Variants in PRRC1 observed in about 807,000 individuals in gnomAD.
PRRC1 encodes proline rich coiled-coil 1.
PRRC1 carries 39 observed loss-of-function variants against 40.7 expected under a neutral mutation model. The observed-to-expected ratio is 0.96, with a 90% CI of 0.74 to 1.25. The LOEUF is 1.25. Ranked by LOEUF, PRRC1 falls within the 50% of genes most tolerant of loss-of-function variation. PRRC1 has a pLI of 0.00. For synonymous variants in PRRC1, 175 were observed against 193.3 expected, an observed-to-expected ratio of 0.91 and a Z score of 0.79; for missense variants, 573 against 548.3, an observed-to-expected ratio of 1.05 and a Z score of -0.45.
At position 127,552,252 on chromosome 5, in the gene PRRC1, G is replaced by C; in HGVS notation, c.*336G>C. On this transcript the variant is annotated 3_prime_UTR_variant, in exon 9 of 9. Transcript: ENST00000296666. ...TTAATGCCATGTACTTGATTATTTTGTTCTTTAAAGAAGACATTATTAAAG... is the reference window on the plus strand; with the variant it reads ...TTAATGCCATGTACTTGATTATTTTCTTCTTTAAAGAAGACATTATTAAAG... 9.5e-7 allele frequency: 1 copy of C among 1,057,720 alleles called. No homozygotes were observed. The highest frequency in any genetic ancestry group is 1.1e-6 in the Non-Finnish European group (1 of 873,584). The allele number at this position is 1,057,720 out of a possible 1,614,324, so 65.5% of individuals were successfully genotyped here. A position where few individuals can be genotyped will look rare whatever the true frequency, so the allele number is the denominator to read the frequency against.
At chr5:127,517,853 A>G (rs1396089167) in intron 1 of PRRC1, 77 bp downstream of exon 1, 1 of 152,334 alleles carries the variant, frequency 6.6e-6, no homozygotes, top group Non-Finnish European at 1.5e-5. Context: ...CGCCAGAGCC[A>G]GACCCCGAGG....
chr5:127,529,227 TTTA>T (rs1767701848), intron 4 of PRRC1, among the ~76,000 whole-genome samples: 1 of 151,536 alleles, frequency 6.6e-6, no homozygotes, highest in Admixed American at 6.6e-5. Context: ...ATAATTATAA[TTTA>T]TTATTATATT....
At position 127,551,929 on chromosome 5, in the gene PRRC1, C is replaced by CT; in HGVS notation, c.*14dup. On this transcript the variant is annotated 3_prime_UTR_variant, in exon 9 of 9. Coordinates refer to ENST00000296666, the MANE Select transcript of PRRC1 (RefSeq NM_130809.5). ...CAGGACAGTGTGAGAGGAGACCTAC[C>CT]TGGGAGACTGAGACTTTCCCCCACT... is the stretch of plus-strand genomic sequence containing the variant. The CT allele has an allele frequency of 6.2e-7, 1 of 1,613,548 alleles. No homozygotes were observed. The highest frequency in any genetic ancestry group is 8.5e-7 in the Non-Finnish European group (1 of 1,179,650).
intron 8 of PRRC1, chr5:127,548,180 T>C (rs995921373): frequency 3.7e-6 from 2 of 539,074 alleles, no homozygotes; most frequent in African/African-American, 1.9e-5. Flanking sequence ...TTTTTTTCTT[T>C]GTTTTTACTC....
At chr5:127,546,757 T>C (rs1768234937) in intron 7 of PRRC1, among the ~76,000 whole-genome samples, 1 of 152,170 alleles carries the variant, frequency 6.6e-6, no homozygotes, top group Admixed American at 6.5e-5. Context: ...CTGCAAATTA[T>C]GCAAAATAAG....
rs753196389 is a variant in PRRC1, at chr5:127,526,757, T to C, written c.633T>C (p.Gly211=). The C allele has an allele frequency of 4.4e-6, 7 of 1,607,320 alleles. No homozygotes were observed. The African/African-American group carries it at 8.0e-5, about 18-fold the overall frequency. ...GAGGTCAGGATGAAGCATCTGCTGG[T>C]GGAATCTGGGGTTTTATTAAGGTAA... is the stretch of plus-strand genomic sequence containing the variant. The part of the protein sequence containing the change: ...ITRGQDEASA[G]GIWGFIKGVA... The change falls in exon 4 of 9, where the codon GGT becomes GGC. Residue 211 remains glycine (G), a synonymous_variant. Coordinates refer to ENST00000296666, the MANE Select transcript of PRRC1 (RefSeq NM_130809.5).
chr5:127,551,670 A>ATG, intron 8 of PRRC1, 37 bp from the exon 9 acceptor site: 1 of 1,581,692 alleles, frequency 6.3e-7, no homozygotes, highest in Non-Finnish European at 8.7e-7. Context: ...ATATTTTTAA[A>ATG]TGTATTATAA....
At chr5:127,528,950 T>C (rs1767695782) in intron 4 of PRRC1, among the ~76,000 whole-genome samples, 1 of 152,220 alleles carries the variant, frequency 6.6e-6, no homozygotes. Flanking sequence ...TAGAGCACAC[T>C]GTTTTAATTA....
chr5:127,542,108 T>G (rs1287224979), intron 7 of PRRC1, among the ~76,000 whole-genome samples: 1 of 152,222 alleles, frequency 6.6e-6, no homozygotes, highest in Non-Finnish European at 1.5e-5. Flanking sequence ...AACATCTTTA[T>G]TTCTGCCTTC....
intron 7 of PRRC1, among the ~76,000 whole-genome samples, chr5:127,547,001 T>C (rs1001140621): frequency 9.9e-5 from 15 of 152,274 alleles, no homozygotes; most frequent in Admixed American, 1.3e-4. Context: ...ACTTTGTTGT[T>C]TTTTTGAATG....
At chr5:127,532,102 GTT>G (rs1253417486) in intron 5 of PRRC1, among the ~76,000 whole-genome samples, 1 of 143,894 alleles carries the variant, frequency 6.9e-6, no homozygotes, top group Admixed American at 6.9e-5. Flanking sequence ...AAATCTTAAG[GTT>G]TTTTTTTTTG....
At chr5:127,533,925 C>T (rs1222022655) in intron 6 of PRRC1, 139 bp downstream of exon 6, 1 of 845,952 alleles carries the variant, frequency 1.2e-6, no homozygotes, top group Non-Finnish European at 2.0e-6. Flanking sequence ...AGTAGACAGC[C>T]CTATCGTATT....
chr5:127,547,833 GTTGT>G lies in PRRC1; in HGVS notation c.1044_1047del (p.Cys348TrpfsTer12), dbSNP rs1406712333. Reference sequence around the variant, plus strand: ...TTCTGTTGCAGATGGTTTGACATTGGTTGTTTGGTGGTTGAAGATCCTGTCCATG... The same window carrying G: ...TTCTGTTGCAGATGGTTTGACATTGGTTGGTGGTTGAAGATCCTGTCCATG... On this transcript the variant is annotated frameshift_variant, in exon 8 of 9. Transcript: ENST00000296666. LOFTEE classifies it high-confidence loss of function. 6.2e-7 allele frequency: 1 copy of G among 1,612,550 alleles called. No homozygotes were observed. The highest frequency in any genetic ancestry group is 8.5e-7 in the Non-Finnish European group (1 of 1,179,124).
At chr5:127,520,919 T>C (rs1488422324) in intron 1 of PRRC1, among the ~76,000 whole-genome samples, 1 of 152,246 alleles carries the variant, frequency 6.6e-6, no homozygotes, top group Non-Finnish European at 1.5e-5. Flanking sequence ...GAAGCTGGGT[T>C]TGGGGTACTC....
At chr5:127,518,081 C>T (rs1002555190) in intron 1 of PRRC1, 3 of 152,444 alleles carry the variant, frequency 2.0e-5, no homozygotes, top group Non-Finnish European at 4.4e-5. Flanking sequence ...GTCCAAGGAC[C>T]AAGGCAGGAG....
Position 127,538,509 on chromosome 5 carries a change from G to A in PRRC1, c.922-531G>A, listed in dbSNP as rs149991630. 6.6e-3 allele frequency among the ~76,000 whole-genome samples: 1,001 copies of A among 152,164 alleles called. 13 individuals are homozygous for A. Among genetic ancestry groups the A allele is most frequent in the African/African-American group, 0.023 (947 of 41,544 alleles). ...CAATGGTAATTATTTTGTTGAATAA[G>A]CTGTGGTGTAATGTATACATTTGCA... On this transcript the variant is annotated intron_variant, in intron 6 of 8. Transcript: ENST00000296666.
intron 4 of PRRC1, among the ~76,000 whole-genome samples, chr5:127,528,914 C>T (rs1448454641): frequency 2.6e-5 from 4 of 152,140 alleles, no homozygotes; most frequent in East Asian, 3.9e-4. Flanking sequence ...GTATTCTAGT[C>T]CACTGCTGTT....
Position 127,547,906 on chromosome 5 carries a change from G to A in PRRC1, c.1113G>A (p.Leu371=). The A allele has an allele frequency of 6.2e-7, 1 of 1,612,858 alleles. No homozygotes were observed. Among genetic ancestry groups the A allele is most frequent in the Non-Finnish European group, 8.5e-7 (1 of 1,178,964 alleles). ...ETFTQATPVP[L]EFVQQAQSLT... is the part of the protein sequence containing the mutation. ...TTACACAAGCCACACCAGTGCCTTT[G>A]GAATTTGTACAGCAGGTTGGTTTTC... The change falls in exon 8 of 9, where the codon TTG becomes TTA. Residue 371 remains leucine (L), a synonymous_variant. Transcript: ENST00000296666.
At chr5:127,524,944 A>G in intron 3 of PRRC1, 24 bp downstream of exon 3, 1 of 1,535,606 alleles carries the variant, frequency 6.5e-7, no homozygotes. Context: ...ATACTTTGAA[A>G]TACATGGCTA....
Sources: allele counts gnomAD v4.1 joint callset (sites outside exome capture counted in the v4.1 genomes callset), GRCh38; gene constraint gnomAD v4.1.1; transcripts MANE v1.5; gene names NCBI Gene and HGNC (gene_info 2026-07-23, HGNC 2026-07-21).